Variants in PSMD1 observed in about 807,000 individuals in gnomAD.
PSMD1 encodes the protein proteasome 26S subunit, non-ATPase 1.
PSMD1 carries 18 observed loss-of-function variants against 119.0 expected under a neutral mutation model. The observed-to-expected ratio is 0.15, with a 90% CI of 0.10 to 0.22. The LOEUF (loss-of-function observed/expected upper bound fraction) is 0.22. Ranked by LOEUF, PSMD1 falls within the 10% of genes least tolerant of loss-of-function variation. PSMD1 has a pLI of 1.00. For synonymous variants in PSMD1, 374 were observed against 396.6 expected (o/e 0.94, Z 0.68); for missense variants, 702 against 1,158.5 (o/e 0.61, Z 5.72).
At chr2:231,124,100 G>A (rs977686644) in intron 16 of PSMD1, 6 of 267,930 alleles carry the variant, frequency 2.2e-5, no homozygotes, top group African/African-American at 1.1e-4. Context: ...TTGTAGAGTC[G>A]TGTTTGAACT....
chr2:231,110,792 A>G (rs1367293992), intron 16 of PSMD1, among the ~76,000 whole-genome samples: 2 of 152,190 alleles, frequency 1.3e-5, no homozygotes, highest in African/African-American at 4.8e-5. Flanking sequence ...TGCCACTCCC[A>G]TTTGTTAGTA....
rs113227622 is a variant in PSMD1 at position 231,129,332 on chromosome 2, T to G, written c.1884-9404T>G. ...GCTAATAATGCTGCAACTTTGAATA[T>G]TACAGATTTCTGTAGGTCCAGGAAT... is the stretch of plus-strand genomic sequence containing the variant. On this transcript the variant is annotated intron_variant, in intron 16 of 24. Coordinates refer to ENST00000308696, the MANE Select transcript of PSMD1 (RefSeq NM_002807.4). Among the ~76,000 whole-genome samples, 72 of 152,334 alleles carry G rather than the reference T, an allele frequency of 4.7e-4. 1 individual carries two copies. The highest frequency in any genetic ancestry group is 1.7e-3 in the African/African-American group (70 of 41,570).
At chr2:231,146,786 A>C (rs1696262325) in intron 18 of PSMD1, among the ~76,000 whole-genome samples, 1 of 152,216 alleles carries the variant, frequency 6.6e-6, no homozygotes, top group Non-Finnish European at 1.5e-5. Flanking sequence ...TTTGTATCGT[A>C]CATACCATCT....
chr2:231,109,058 A>G (rs375739530), intron 16 of PSMD1: 61 of 1,614,106 alleles, frequency 3.8e-5, no homozygotes, highest in Non-Finnish European at 4.7e-5. Context: ...TGTTCTTCGC[A>G]TAAGTGTTTC....
At chr2:231,104,911 C>T (rs1403583432) in intron 16 of PSMD1, among the ~76,000 whole-genome samples, 1 of 152,032 alleles carries the variant, frequency 6.6e-6, no homozygotes, top group Admixed American at 6.5e-5. Context: ...TCTTTTTTCC[C>T]CCCTTTAGAT....
chr2:231,083,015 C>A, intron 13 of PSMD1, 21 bp downstream of exon 13: 1 of 1,529,240 alleles, frequency 6.5e-7, no homozygotes, highest in Non-Finnish European at 9.1e-7. Flanking sequence ...CTTTCTAAAG[C>A]TAACAAGCTT....
At chr2:231,145,795 A>G (rs1696237988) in intron 17 of PSMD1, among the ~76,000 whole-genome samples, 2 of 148,014 alleles carry the variant, frequency 1.4e-5, no homozygotes, top group African/African-American at 2.5e-5. Flanking sequence ...CTGGAGGCTG[A>G]GTCAGGAGAA....
At chr2:231,091,718 G>T (rs1310208430) in intron 16 of PSMD1, among the ~76,000 whole-genome samples, 1 of 152,092 alleles carries the variant, frequency 6.6e-6, no homozygotes, top group Non-Finnish European at 1.5e-5. Context: ...TGTTGGGCGT[G>T]TAGATCTACG....
At chr2:231,058,260 TC>T (rs1559213962) in intron 1 of PSMD1, among the ~76,000 whole-genome samples, 1 of 152,228 alleles carries the variant, frequency 6.6e-6, no homozygotes, top group African/African-American at 2.4e-5. Context: ...TACCAATGTT[TC>T]TTCTAACTCG....
chr2:231,163,344 A>T, intron 20 of PSMD1: 1 of 285,598 alleles, frequency 3.5e-6, no homozygotes, highest in East Asian at 6.3e-5. Flanking sequence ...AGTTGATCTG[A>T]TGCTCACACC....
At chr2:231,058,653 C>T (rs1001467624) in intron 1 of PSMD1, among the ~76,000 whole-genome samples, 2 of 152,010 alleles carry the variant, frequency 1.3e-5, no homozygotes, top group African/African-American at 4.8e-5. Context: ...AAAATCCAGA[C>T]TCTTAACCAA....
chr2:231,088,775 TGAAAGA>T (rs1244383654), intron 16 of PSMD1, among the ~76,000 whole-genome samples: 2 of 152,126 alleles, frequency 1.3e-5, no homozygotes, highest in Non-Finnish European at 2.9e-5. Flanking sequence ...AGTGCTTAAG[TGAAAGA>T]GAGAGTCCCA....
At chr2:231,074,501 A>G (rs1694115736) in intron 7 of PSMD1, among the ~76,000 whole-genome samples, 1 of 152,080 alleles carries the variant, frequency 6.6e-6, no homozygotes, top group South Asian at 2.1e-4. Context: ...TTCTGAGTTA[A>G]TCTTCATTTC....
chr2:231,121,968 G>C (rs1240218684), intron 16 of PSMD1, among the ~76,000 whole-genome samples: 1 of 134,352 alleles, frequency 7.4e-6, no homozygotes, highest in Non-Finnish European at 1.7e-5. Context: ...TCATATGCCT[G>C]TACAGTATTT....
intron 19 of PSMD1, among the ~76,000 whole-genome samples, chr2:231,157,834 T>A (rs1293580385): frequency 2.6e-5 from 4 of 152,028 alleles, no homozygotes; most frequent in African/African-American, 9.7e-5. Context: ...CCCAAAGTGC[T>A]GGGATTACAG....
At chr2:231,115,114 C>T (rs978632162) in intron 16 of PSMD1, among the ~76,000 whole-genome samples, 1 of 151,060 alleles carries the variant, frequency 6.6e-6, no homozygotes, top group African/African-American at 2.4e-5. Flanking sequence ...GATTACAGAA[C>T]AACAAGAGAC....
At position 231,062,818 on chromosome 2, in the gene PSMD1, A is replaced by T. The variant is rs939504939; in HGVS notation, c.304+143A>T. ...TAATCTTTCTATAATAATTTTATGC[A>T]GGCTGAGTTTTTAGATCTGCCCTTC... On this transcript the variant is annotated intron_variant, in intron 4 of 24. Transcript: ENST00000308696. 5.9e-5 allele frequency: 41 copies of T among 690,352 alleles called. No homozygotes were observed. The African/African-American group carries it at 6.7e-4, about 11-fold the overall frequency. The allele number at this position is 690,352 out of a possible 1,614,324, so 42.8% of individuals were successfully genotyped here. A position where few individuals can be genotyped will look rare whatever the true frequency, so the allele number is the denominator to read the frequency against.
intron 5 of PSMD1, among the ~76,000 whole-genome samples, chr2:231,068,083 A>G (rs913713892): frequency 6.6e-6 from 1 of 152,180 alleles, no homozygotes; most frequent in African/African-American, 2.4e-5. Context: ...GACTAGGTCC[A>G]GTTCTGTTGT....
intron 16 of PSMD1, among the ~76,000 whole-genome samples, chr2:231,107,677 A>C (rs779567340): frequency 1.3e-5 from 2 of 152,178 alleles, no homozygotes; most frequent in Non-Finnish European, 2.9e-5. Flanking sequence ...ATGAATAAAA[A>C]ATTTTGTGCT....
Sources: gnomAD v4.1 joint callset for allele counts (sites outside exome capture counted in the v4.1 genomes callset) on GRCh38, gnomAD v4.1.1 for gene constraint, MANE v1.5 for transcripts, NCBI Gene and HGNC (gene_info 2026-07-23, HGNC 2026-07-21) for gene names.